The following TTC29 variants were observed in gnomAD, a reference collection of about 807,000 sequenced individuals.
TTC29 encodes tetratricopeptide repeat protein 29.
In TTC29, 49 loss-of-function variants were observed where a neutral mutation model predicts 58.1. The observed-to-expected ratio is 0.84, with a 90% confidence interval of 0.67 to 1.07. The LOEUF (loss-of-function observed/expected upper bound fraction) is 1.07. TTC29 is among the 50% of genes least tolerant of loss of function. The pLI, the probability that TTC29 is intolerant of heterozygous loss-of-function variation, is 0.00. For synonymous variants in TTC29, 209 were observed against 196.8 expected, an observed-to-expected ratio of 1.06 and a Z score of -0.52; for missense variants, 582 against 555.6, an observed-to-expected ratio of 1.05 and a Z score of -0.48.
At chr4:146,743,377 C>T (rs181676287) in intron 11 of TTC29, among the ~76,000 whole-genome samples, 1 of 152,178 alleles carries the variant, frequency 6.6e-6, no homozygotes, top group African/African-American at 2.4e-5. Context: ...TGTTTTCAAG[C>T]TCAAAACAGA....
At chr4:146,725,683 C>G (rs1034054902) in intron 11 of TTC29, among the ~76,000 whole-genome samples, 31 of 152,158 alleles carry the variant, frequency 2.0e-4, no homozygotes, top group Admixed American at 5.9e-4. Flanking sequence ...GTCTATCCAT[C>G]TTTCATCAAG....
intron 11 of TTC29, among the ~76,000 whole-genome samples, chr4:146,798,566 GA>G (rs966247992): frequency 1.3e-5 from 2 of 152,050 alleles, no homozygotes; most frequent in African/African-American, 4.8e-5. Context: ...AAATGCTCAT[GA>G]ACATCTAGAT....
At chr4:146,927,197 A>T (rs2150312672) in intron 4 of TTC29, among the ~76,000 whole-genome samples, 1 of 152,308 alleles carries the variant, frequency 6.6e-6, no homozygotes, top group Non-Finnish European at 1.5e-5. Context: ...TGTTCCAATC[A>T]GTTTATAATT....
intron 8 of TTC29, among the ~76,000 whole-genome samples, chr4:146,854,466 G>A (rs1459927245): frequency 6.6e-6 from 1 of 152,106 alleles, no homozygotes; most frequent in Non-Finnish European, 1.5e-5. Flanking sequence ...ACATAGAATC[G>A]AGTTAGCCAC....
intron 11 of TTC29, among the ~76,000 whole-genome samples, chr4:146,741,821 A>G (rs917293365): frequency 3.9e-5 from 6 of 152,190 alleles, no homozygotes; most frequent in East Asian, 1.9e-4. Context: ...TCCCGTCACA[A>G]CTTGAAAGCA....
chr4:146,943,169 C>CTTTTTT (rs61184684), intron 2 of TTC29, among the ~76,000 whole-genome samples: 1 of 59,474 alleles, frequency 1.7e-5, no homozygotes, highest in African/African-American at 4.6e-5. Flanking sequence ...ATCAACTGTG[C>CTTTTTT]TTTTTTTTTT....
intron 11 of TTC29, among the ~76,000 whole-genome samples, chr4:146,776,988 G>A (rs768851638): frequency 3.3e-5 from 5 of 152,092 alleles, no homozygotes; most frequent in Non-Finnish European, 5.9e-5. Flanking sequence ...CAGTGCATGC[G>A]TTCACACTGG....
intron 11 of TTC29, among the ~76,000 whole-genome samples, chr4:146,711,557 T>TA (rs1238613653): frequency 6.6e-6 from 1 of 152,136 alleles, no homozygotes; most frequent in African/African-American, 2.4e-5. Context: ...AAGCTTTTGT[T>TA]AAAAAATAAA....
chr4:146,769,420 A>G (rs770529992), intron 11 of TTC29, among the ~76,000 whole-genome samples: 8 of 152,012 alleles, frequency 5.3e-5, no homozygotes, highest in Admixed American at 3.3e-4. Context: ...GGATTTGACT[A>G]AGTATAACTA....
chr4:146,860,578 T>G (rs1047708221), intron 8 of TTC29, among the ~76,000 whole-genome samples: 3 of 152,142 alleles, frequency 2.0e-5, no homozygotes, highest in Non-Finnish European at 4.4e-5. Flanking sequence ...GCATGGATAC[T>G]CTCAATGAAG....
Position 146,842,032 on chromosome 4 carries a change from G to C in TTC29, c.886-8135C>G, listed in dbSNP as rs375882582. Among the ~76,000 whole-genome samples the C allele has an allele frequency of 1.1e-4, 16 of 152,210 alleles. No individual in the cohort carries two copies. In the East Asian group the frequency reaches 3.1e-3, roughly 29 times the overall value. The stretch of plus-strand genomic sequence containing the variant: ...CCCCTGCCAGATGGCATTTGGCAAT[G>C]TCTGCATATGTTTTAGGTTGCTATA... On this transcript the variant is annotated intron_variant, in intron 8 of 12. Transcript: ENST00000325106.
chr4:146,927,536 A>G (rs1048092906), intron 4 of TTC29, among the ~76,000 whole-genome samples: 2 of 152,150 alleles, frequency 1.3e-5, no homozygotes, highest in African/African-American at 4.8e-5. Flanking sequence ...CCCACTAATG[A>G]GTCACAATCT....
At position 146,719,524 on chromosome 4, in the gene TTC29, G is replaced by A. The variant is rs369993040; in HGVS notation, c.1331-11973C>T. Among the ~76,000 whole-genome samples the A allele has an allele frequency of 3.9e-5, 6 of 152,136 alleles. 1 individual carries two copies. Among genetic ancestry groups the A allele is most frequent in the South Asian group, 4.1e-4 (2 of 4,830 alleles). On this transcript the variant is annotated intron_variant, in intron 11 of 12. Transcript: ENST00000325106. ...AAAACCTCTTAGGCAAGTGTATAGC[G>A]TTAGGCTTGGAAAGACTGATTTATT...
At chr4:146,749,369 C>T (rs947584550) in intron 11 of TTC29, among the ~76,000 whole-genome samples, 2 of 151,374 alleles carry the variant, frequency 1.3e-5, no homozygotes, top group Non-Finnish European at 2.9e-5. Flanking sequence ...AGAATTAAAT[C>T]AACAAAGTAA....
intron 6 of TTC29, among the ~76,000 whole-genome samples, chr4:146,899,055 C>A (rs1456191900): frequency 6.6e-6 from 1 of 152,190 alleles, no homozygotes; most frequent in Non-Finnish European, 1.5e-5. Context: ...GTGTGGTAAA[C>A]CCTACTGCTA....
At chr4:146,823,169 G>A (rs543575756) in intron 9 of TTC29, among the ~76,000 whole-genome samples, 3 of 152,258 alleles carry the variant, frequency 2.0e-5, no homozygotes, top group South Asian at 2.1e-4. Flanking sequence ...TTGCCATGAC[G>A]TCATTGCCTG....
At chr4:146,829,656 T>G (rs1177976359) in intron 9 of TTC29, among the ~76,000 whole-genome samples, 2 of 152,210 alleles carry the variant, frequency 1.3e-5, no homozygotes, top group African/African-American at 2.4e-5. Context: ...GTGTCATTTC[T>G]CTCAAGCAAG....
At chr4:146,830,054 A>T (rs564365844) in intron 9 of TTC29, among the ~76,000 whole-genome samples, 3 of 152,184 alleles carry the variant, frequency 2.0e-5, no homozygotes, top group African/African-American at 7.2e-5. Flanking sequence ...TAATTTCTCA[A>T]CTGGCTTTCT....
At chr4:146,856,654 A>G (rs1729875016) in intron 8 of TTC29, among the ~76,000 whole-genome samples, 1 of 151,020 alleles carries the variant, frequency 6.6e-6, no homozygotes, top group Non-Finnish European at 1.5e-5. Flanking sequence ...AAAGAAACAG[A>G]TGCATATTTT....
Sources: allele counts gnomAD v4.1 joint callset (sites outside exome capture counted in the v4.1 genomes callset), GRCh38; gene constraint gnomAD v4.1.1; transcripts MANE v1.5; gene names NCBI Gene and HGNC (gene_info 2026-07-23, HGNC 2026-07-21).